The following RASGRP2 variants were observed in gnomAD, a reference collection of about 807,000 sequenced individuals.
The protein encoded by RASGRP2 is RAS guanyl-releasing protein 2.
Under a neutral mutation model 71.0 loss-of-function variants are expected in RASGRP2, and 44 were observed. The ratio of observed to expected loss-of-function variants is 0.62; its 90% CI spans 0.49 to 0.80. The LOEUF is 0.80. RASGRP2 is among the 30% of genes least tolerant of loss of function. RASGRP2 has a pLI of 0.00. For missense variants in RASGRP2, 663 were observed against 813.4 expected, an observed-to-expected ratio of 0.82 and a Z score of 2.25; for synonymous variants, 350 against 330.7, an observed-to-expected ratio of 1.06 and a Z score of -0.63.
Position 64,742,099 on chromosome 11 carries a change from C to T in RASGRP2, c.87G>A (p.Lys29=), listed in dbSNP as rs538653102. The T allele has an allele frequency of 5.1e-5, 82 of 1,597,794 alleles. 1 individual carries two copies. In the South Asian group the frequency reaches 8.7e-4, roughly 17 times the overall value. Residue 29 remains lysine (K), a synonymous_variant, in exon 3 of 17, where the codon AAG becomes AAA. Coordinates refer to ENST00000394432, the MANE Select transcript of RASGRP2 (RefSeq NM_001098671.2). The surrounding 1 kb of genome is among the most constrained non-coding windows in gnomAD (Gnocchi z 4.7). The stretch of plus-strand genomic sequence containing the variant: ...TGCGCACCAGCTGCGGGTCCCGCAC[C>T]TTCCCGGAGTCATCTGACTCCGAAG... ...GCIEAFDDSG[K]VRDPQLVRMF...
Position 64,739,313 on chromosome 11 carries a change from G to T in RASGRP2, c.813+47C>A, listed in dbSNP as rs776753794. Reference sequence around the variant, plus strand: ...CCCCCAGTGCTGCTGGGAGGACCCAGTGAAGACAGACCTGGGAAGCACCGG... The same window carrying T: ...CCCCCAGTGCTGCTGGGAGGACCCATTGAAGACAGACCTGGGAAGCACCGG... On this transcript the variant is annotated intron_variant, in intron 8 of 16. Coordinates refer to ENST00000394432, the MANE Select transcript of RASGRP2 (RefSeq NM_001098671.2). The surrounding 1 kb of genome is among the most constrained non-coding windows in gnomAD (Gnocchi z 4.2). The T allele has an allele frequency of 3.4e-5, 50 of 1,462,546 alleles. No individual in the cohort carries two copies. In the South Asian group the frequency reaches 5.5e-4, roughly 16 times the overall value. The allele number at this position is 1,462,546 out of a possible 1,614,324, so 90.6% of individuals were successfully genotyped here. A position where few individuals can be genotyped will look rare whatever the true frequency, so the allele number is the denominator to read the frequency against.
chr11:64,730,036 G>A lies in RASGRP2; in HGVS notation c.1554+17C>T, dbSNP rs1455119914. Reference sequence around the variant, plus strand: ...AGGGGCGTGGCTTGGGCCGTGAGCCGGGAAAGGGACTCTCACCAGGGCTTT... The same window carrying A: ...AGGGGCGTGGCTTGGGCCGTGAGCCAGGAAAGGGACTCTCACCAGGGCTTT... On this transcript the variant is annotated intron_variant, in intron 13 of 16. Transcript: ENST00000394432. 6 of 1,548,750 alleles carry A rather than the reference G, an allele frequency of 3.9e-6. No homozygotes were observed. Among genetic ancestry groups the A allele is most frequent in the African/African-American group, 1.4e-5 (1 of 73,162 alleles).
rs866966518 is a variant in RASGRP2 at position 64,727,349 on chromosome 11, C to A, written c.1783G>T (p.Glu595Ter). The change falls in exon 16 of 17, where the codon GAG becomes TAG. Residue 595 changes from glutamate to a stop codon, truncating the protein, a stop_gained. Coordinates refer to ENST00000394432, the MANE Select transcript of RASGRP2 (RefSeq NM_001098671.2). LOFTEE classifies it high-confidence loss of function. ...CCATCCTCCACCGTCTGTACCTCCT[C>A]CTCACGGATCTCTGCTGGGAGGGGG... ...RGSRPPEIRE[E>*]EVQTVEDGVF... is the part of the protein sequence containing the mutation. The A allele has an allele frequency of 6.2e-7, 1 of 1,613,922 alleles. No homozygotes were observed. Among genetic ancestry groups the A allele is most frequent in the Non-Finnish European group, 8.5e-7 (1 of 1,179,906 alleles).
chr11:64,735,070 T>C lies in RASGRP2; in HGVS notation c.1412+42A>G, dbSNP rs757244185. 4.1e-6 allele frequency: 6 copies of C among 1,449,022 alleles called. No homozygotes were observed. The South Asian group carries it at 6.8e-5, about 17-fold the overall frequency. 89.8% of individuals were successfully genotyped at this position (1,449,022 alleles called of 1,614,324 possible). ...AACTGAAGCCCAGGCAGAAGTGGGC[T>C]GAGTTGCCTTCCCTCTCCCCCAGGT... On this transcript the variant is annotated intron_variant, in intron 12 of 16. Coordinates refer to ENST00000394432, the MANE Select transcript of RASGRP2 (RefSeq NM_001098671.2). This position sits in a 1 kb window ranked among gnomAD's most constrained non-coding sequence, Gnocchi z 4.2.
chr11:64,737,200 AT>A lies in RASGRP2; in HGVS notation c.814-167del. The A allele has an allele frequency of 2.8e-5, 22 of 772,566 alleles. 1 individual carries two copies. In the South Asian group the frequency reaches 3.6e-4, roughly 12 times the overall value. The allele number at this position is 772,566 out of a possible 1,614,324, so 47.9% of individuals were successfully genotyped here. A position where few individuals can be genotyped will look rare whatever the true frequency, so the allele number is the denominator to read the frequency against. On this transcript the variant is annotated intron_variant, in intron 8 of 16. Transcript: ENST00000394432. ...GGCTCTCTCAGCCCCTGGGGATTGA[AT>A]TCATTGCCATGAATTCAAGGCAATA...
At chr11:64,730,275 CA>C in intron 12 of RASGRP2, 81 bp from the exon 13 acceptor site, 1 of 1,523,182 alleles carries the variant, frequency 6.6e-7, no homozygotes, top group Non-Finnish European at 8.9e-7. Flanking sequence ...CCACTGTTCC[CA>C]GTGTCCTCAT....
chr11:64,727,507 T>C (rs2057605218), intron 15 of RASGRP2, 147 bp from the exon 16 acceptor site: 1 of 3,372 alleles, frequency 3.0e-4, no homozygotes, highest in Non-Finnish European at 3.2e-3. Context: ...CACAGCCCAA[T>C]TTTTTTTTTT....
In RASGRP2 at chr11:64,743,583, TG is replaced by T. The variant is rs1191931674; in HGVS notation, c.-72+419del. The T allele has an allele frequency of 8.2e-6, 3 of 365,310 alleles. No homozygotes were observed. Among genetic ancestry groups the T allele is most frequent in the Admixed American group, 3.9e-5 (1 of 25,558 alleles). The allele number at this position is 365,310 out of a possible 1,614,324, so 22.6% of individuals were successfully genotyped here. ...GAGGCGTCAGCGGGAAGCCTGAGCC[TG>T]GGAACTGAGCGCTCCCAGGCCACCT... On this transcript the variant is annotated intron_variant, in intron 1 of 16. Coordinates refer to ENST00000394432, the MANE Select transcript of RASGRP2 (RefSeq NM_001098671.2). The surrounding 1 kb of genome is among the most constrained non-coding windows in gnomAD (Gnocchi z 4.9).
chr11:64,736,663 A>G, intron 9 of RASGRP2, 90 bp downstream of exon 9: 2 of 1,419,152 alleles, frequency 1.4e-6, no homozygotes, highest in East Asian at 5.0e-5. Context: ...GCCAGAACCC[A>G]GAGCCCCAGG....
intron 15 of RASGRP2, among the ~76,000 whole-genome samples, chr11:64,728,164 G>T (rs2057634898): frequency 1.3e-5 from 2 of 152,164 alleles, no homozygotes; most frequent in Admixed American, 6.5e-5. Context: ...TACCCCAAGA[G>T]AGCTGCCAGG....
intron 3 of RASGRP2, 55 bp downstream of exon 3, chr11:64,741,955 G>T: frequency 6.9e-7 from 1 of 1,451,448 alleles, no homozygotes; most frequent in South Asian, 1.2e-5. Flanking sequence ...GCTGGGCAGA[G>T]GGGCTGCGCA....
chr11:64,735,654 G>C lies in RASGRP2; in HGVS notation c.1184C>G (p.Pro395Arg). 6.2e-7 allele frequency: 1 copy of C among 1,611,890 alleles called. No individual in the cohort carries two copies. Among genetic ancestry groups the C allele is most frequent in the Non-Finnish European group, 8.5e-7 (1 of 1,179,314 alleles). Residue 395 changes from proline (P) to arginine (R), a missense_variant, in exon 11 of 17, where the codon CCC (proline) becomes CGC (arginine). Coordinates refer to ENST00000394432, the MANE Select transcript of RASGRP2 (RefSeq NM_001098671.2). This position sits in a 1 kb window ranked among gnomAD's most constrained non-coding sequence, Gnocchi z 4.2. ...CCGGGGTGGTGGGGTGCAACTCGTG[G>C]GGCTGGTTGGCTATGGAAATGGTCG... ...EPRSKSSPTS[P>R]TSCTPPPRPP... is the part of the protein sequence containing the mutation.
At chr11:64,740,315 C>A in intron 5 of RASGRP2, 152 bp from the exon 6 acceptor site, 1 of 892,106 alleles carries the variant, frequency 1.1e-6, no homozygotes. Flanking sequence ...GCAACTCCTC[C>A]TCATCTCCCC....
Position 64,730,097 on chromosome 11 carries a change from T to C in RASGRP2, c.1510A>G (p.Ser504Gly). The C allele has an allele frequency of 6.4e-7, 1 of 1,550,522 alleles. No homozygotes were observed. The highest frequency in any genetic ancestry group is 8.7e-7 in the Non-Finnish European group (1 of 1,147,150). Residue 504 changes from serine (S) to glycine (G), a missense_variant, in exon 13 of 17, where the codon AGC becomes GGC. By Grantham distance (56) the Ser-to-Gly change is moderately conservative (BLOSUM62 0). Transcript: ENST00000394432. ...RMGFVHNFQE[S>G]NSLRPVACRH... ...CAGGCGACGGGGCGCAAGGAGTTGC[T>C]CTCCTGGAAGTTGTGTACGAAGCCC...
At position 64,742,666 on chromosome 11, in the gene RASGRP2, A is replaced by AGACT; in HGVS notation, c.73+124_73+127dup. 7.9e-7 allele frequency: 1 copy of AGACT among 1,266,496 alleles called. No individual in the cohort carries two copies. The highest frequency in any genetic ancestry group is 2.0e-5 in the Admixed American group (1 of 50,306). The allele number at this position is 1,266,496 out of a possible 1,614,324, so 78.5% of individuals were successfully genotyped here. A position where few individuals can be genotyped will look rare whatever the true frequency, so the allele number is the denominator to read the frequency against. On this transcript the variant is annotated intron_variant, in intron 2 of 16. Transcript: ENST00000394432. The surrounding 1 kb of genome is among the most constrained non-coding windows in gnomAD (Gnocchi z 4.7). ...GTTGCGGAGGAGGCTTTCGTTAAAGAGACTGCACGCTGCGGAGCAGGGTGG... is the reference window on the plus strand; with the variant it reads ...GTTGCGGAGGAGGCTTTCGTTAAAGAGACTGACTGCACGCTGCGGAGCAGGGTGG...
At chr11:64,728,453 AGTCTT>A (rs1359473947) in intron 15 of RASGRP2, among the ~76,000 whole-genome samples, 1 of 148,856 alleles carries the variant, frequency 6.7e-6, no homozygotes. Flanking sequence ...TCTGAGACGG[AGTCTT>A]GCTCTATCGC....
intron 5 of RASGRP2, 199 bp from the exon 6 acceptor site, chr11:64,740,362 A>C: frequency 1.1e-5 from 8 of 712,594 alleles, no homozygotes; most frequent in East Asian, 2.9e-5. Flanking sequence ...TTTATGAACA[A>C]CGTACTCTGT....
Position 64,739,052 on chromosome 11 carries a change from C to T in RASGRP2, c.813+308G>A, listed in dbSNP as rs939446509. Among the ~76,000 whole-genome samples, 14 of 151,038 alleles carry T rather than the reference C, an allele frequency of 9.3e-5. No homozygotes were observed. The highest frequency in any genetic ancestry group is 2.9e-4 in the African/African-American group (12 of 41,014). ...ACTCAGGAGGCTGAGGTGGGAGGAT[C>T]GATTGAGCTCAGGAGTTCAAGGCTG... On this transcript the variant is annotated intron_variant, in intron 8 of 16. Transcript: ENST00000394432. The surrounding 1 kb of genome is among the most constrained non-coding windows in gnomAD (Gnocchi z 4.2).
Position 64,741,092 on chromosome 11 carries a change from G to A in RASGRP2, c.240-13C>T, listed in dbSNP as rs377126571. 34 of 1,611,142 alleles carry A rather than the reference G, an allele frequency of 2.1e-5. No individual in the cohort carries two copies. The highest frequency in any genetic ancestry group is 2.0e-4 in the Middle Eastern group (1 of 4,920). Reference sequence around the variant, plus strand: ...GGAGATCCAGTACCTGGAGGAGCGGGGAGTCACCCAAGATAGCCCTTCCCC... The same window carrying A: ...GGAGATCCAGTACCTGGAGGAGCGGAGAGTCACCCAAGATAGCCCTTCCCC... On this transcript the variant is annotated splice_polypyrimidine_tract_variant and intron_variant, in intron 4 of 16. Coordinates refer to ENST00000394432, the MANE Select transcript of RASGRP2 (RefSeq NM_001098671.2).
Sources: allele counts gnomAD v4.1 joint callset (sites outside exome capture counted in the v4.1 genomes callset), GRCh38; gene constraint gnomAD v4.1.1; non-coding constraint Gnocchi (gnomAD v3.1); transcripts MANE v1.5; gene names NCBI Gene and HGNC (gene_info 2026-07-23, HGNC 2026-07-21).